Variants in DLC1 observed in about 807,000 individuals in gnomAD.
DLC1 encodes DLC1 Rho GTPase activating protein.
DLC1 carries 54 observed loss-of-function variants against 140.3 expected under a neutral mutation model. That is an observed-to-expected ratio of 0.38 (90% CI 0.31 to 0.48). The LOEUF is 0.48. Among genes scored for constraint, DLC1 ranks in the 20% least tolerant of loss-of-function variants. The probability of loss-of-function intolerance (pLI) is 0.96; values close to 1 mark genes in which losing one functional copy is unlikely to be tolerated. For missense variants in DLC1, 2,536 were observed against 1,907.0 expected, an observed-to-expected ratio of 1.33 and a Z score of -6.14; for synonymous variants, 986 against 728.1, an observed-to-expected ratio of 1.35 and a Z score of -5.70.
intron 5 of DLC1, among the ~76,000 whole-genome samples, chr8:13,271,739 C>A (rs929575032): frequency 3.3e-5 from 5 of 152,296 alleles, no homozygotes; most frequent in African/African-American, 1.2e-4. Context: ...AGCTGGAGTG[C>A]AGTGGCATGA....
intron 5 of DLC1, among the ~76,000 whole-genome samples, chr8:13,187,189 GAATCTATACAGAAT>G (rs1305342551): frequency 1.3e-5 from 2 of 152,014 alleles, no homozygotes; most frequent in East Asian, 3.9e-4. Context: ...TCCAATGTAA[GAATCTATACAGAAT>G]GTATAATTTA....
chr8:13,102,853 C>T lies in DLC1; in HGVS notation c.1503G>A (p.Arg501=), dbSNP rs941409636. The T allele has an allele frequency of 6.2e-7, 1 of 1,613,274 alleles. No individual in the cohort carries two copies. The highest frequency in any genetic ancestry group is 8.5e-7 in the Non-Finnish European group (1 of 1,179,816). The change falls in exon 8 of 18, where the codon AGG becomes AGA. Residue 501 remains arginine (R), a splice_region_variant and synonymous_variant. Coordinates refer to ENST00000276297, the MANE Select transcript of DLC1 (RefSeq NM_182643.3). ...CACATTTGTTTAAAGTATTTAGACGCCTATAGAGCAAAGAAATAACGTTAG... is the reference window on the plus strand; with the variant it reads ...CACATTTGTTTAAAGTATTTAGACGTCTATAGAGCAAAGAAATAACGTTAG... ...LDRDAIEALC[R]RLNTLNKCAV...
chr8:13,099,579 C>G lies in DLC1; in HGVS notation c.2758G>C (p.Val920Leu). ...LYHVKGMQRI[V>L]NQWSEKFSDE... ...GAAAACTTCTCCGACCACTGATTGA[C>G]TATCCGCTGCATCCCCTTCACGTGG... is the stretch of plus-strand genomic sequence containing the variant. Residue 920 changes from valine to leucine, a missense_variant, in exon 9 of 18, where the codon GTC becomes CTC. Physicochemically the swap from Val to Leu is conservative, Grantham distance 32 (BLOSUM62 1). Transcript: ENST00000276297. 1 of 1,614,234 alleles carries G rather than the reference C, an allele frequency of 6.2e-7. No individual in the cohort carries two copies. Among genetic ancestry groups the G allele is most frequent in the Non-Finnish European group, 8.5e-7 (1 of 1,180,046 alleles).
chr8:13,298,830 C>A (rs571108892), intron 5 of DLC1, among the ~76,000 whole-genome samples: 2 of 152,108 alleles, frequency 1.3e-5, no homozygotes, highest in African/African-American at 4.8e-5. Context: ...TATACCCATG[C>A]AACAAATCTG....
At chr8:13,427,177 C>A (rs1360166710) in intron 2 of DLC1, among the ~76,000 whole-genome samples, 1 of 152,184 alleles carries the variant, frequency 6.6e-6, no homozygotes, top group Admixed American at 6.6e-5. Context: ...CCATGCCCCA[C>A]TGTACGGTTA....
chr8:13,099,874 A>C lies in DLC1; in HGVS notation c.2463T>G (p.Ala821=). 1 of 1,614,126 alleles carries C rather than the reference A, an allele frequency of 6.2e-7. No individual in the cohort carries two copies. The highest frequency in any genetic ancestry group is 8.5e-7 in the Non-Finnish European group (1 of 1,180,026). Residue 821 remains alanine (A), a synonymous_variant, in exon 9 of 18, where the codon GCT becomes GCG. Coordinates refer to ENST00000276297, the MANE Select transcript of DLC1 (RefSeq NM_182643.3). The part of the protein sequence containing the change: ...EDHKPGTFPK[A]LTNGSFSPSG... ...AGGGGGAGAAACTGCCATTGGTGAG[A>C]GCTTTGGGGAAAGTGCCAGGCTTGT...
At chr8:13,374,319 T>C (rs1198944606) in intron 4 of DLC1, among the ~76,000 whole-genome samples, 1 of 152,180 alleles carries the variant, frequency 6.6e-6, no homozygotes, top group African/African-American at 2.4e-5. Context: ...TTTTAATGTA[T>C]TGATAAACAA....
intron 5 of DLC1, among the ~76,000 whole-genome samples, chr8:13,259,333 AC>A (rs1453329353): frequency 6.6e-6 from 1 of 152,078 alleles, no homozygotes; most frequent in Non-Finnish European, 1.5e-5. Context: ...ATCATAATGA[AC>A]CACAGTGATT....
intron 5 of DLC1, among the ~76,000 whole-genome samples, chr8:13,198,931 G>C (rs1228925139): frequency 1.3e-5 from 2 of 151,930 alleles, no homozygotes; most frequent in African/African-American, 2.4e-5. Flanking sequence ...TGGCCAGACT[G>C]GTCCCAAACT....
At chr8:13,179,418 A>T (rs1184475422) in intron 5 of DLC1, among the ~76,000 whole-genome samples, 4 of 152,114 alleles carry the variant, frequency 2.6e-5, no homozygotes, top group African/African-American at 7.2e-5. Context: ...CTGTATATAT[A>T]TTTTTTAATA....
intron 2 of DLC1, among the ~76,000 whole-genome samples, chr8:13,496,747 T>TACAATAG (rs1476461153): frequency 6.7e-6 from 1 of 148,828 alleles, no homozygotes; most frequent in Non-Finnish European, 1.5e-5. Context: ...CAGCATTCCA[T>TACAATAG]ACAATAGATA....
chr8:13,384,909 G>C (rs970625780), intron 4 of DLC1, among the ~76,000 whole-genome samples: 3 of 147,942 alleles, frequency 2.0e-5, no homozygotes, highest in Non-Finnish European at 3.0e-5. Flanking sequence ...GCTTATCCTA[G>C]AGGCTGGACA....
intron 5 of DLC1, among the ~76,000 whole-genome samples, chr8:13,221,720 G>A (rs1203135321): frequency 7.5e-5 from 8 of 106,590 alleles, no homozygotes; most frequent in African/African-American, 3.2e-4. Context: ...ATATGTGTGT[G>A]TGTGTGTATA....
intron 2 of DLC1, among the ~76,000 whole-genome samples, chr8:13,403,082 T>C (rs1224481149): frequency 1.3e-5 from 2 of 152,238 alleles, no homozygotes; most frequent in African/African-American, 4.8e-5. Context: ...AGCCCTGTTT[T>C]CACAAAGACA....
At chr8:13,204,984 C>T (rs1827581645) in intron 5 of DLC1, among the ~76,000 whole-genome samples, 1 of 152,088 alleles carries the variant, frequency 6.6e-6, no homozygotes, top group Non-Finnish European at 1.5e-5. Flanking sequence ...TTCTTAACAC[C>T]TTCTTGATCA....
intron 5 of DLC1, among the ~76,000 whole-genome samples, chr8:13,212,503 T>C (rs1827997010): frequency 6.6e-6 from 1 of 152,180 alleles, no homozygotes. Context: ...TAAGACCATC[T>C]TTTTCTGCTT....
In DLC1 at chr8:13,270,987, A is replaced by G. The variant is rs552528788; in HGVS notation, c.1348+34282T>C. Among the ~76,000 whole-genome samples, 3 of 152,256 alleles carry G rather than the reference A, an allele frequency of 2.0e-5. No homozygotes were observed. In the East Asian group the frequency reaches 5.8e-4, roughly 29 times the overall value. On this transcript the variant is annotated intron_variant, in intron 5 of 17. Coordinates refer to ENST00000276297, the MANE Select transcript of DLC1 (RefSeq NM_182643.3). ...AAGGAATGCTGACTTGCCTAATATT[A>G]CCCAGTGCAAGAACCAGGACTCAGC... is the stretch of plus-strand genomic sequence containing the variant.
chr8:13,107,989 G>A (rs1390277645), intron 7 of DLC1, among the ~76,000 whole-genome samples: 1 of 152,064 alleles, frequency 6.6e-6, no homozygotes, highest in Non-Finnish European at 1.5e-5. Flanking sequence ...AGGTTGCAGT[G>A]AGCCGAGATC....
intron 4 of DLC1, among the ~76,000 whole-genome samples, chr8:13,369,506 T>G (rs181897122): frequency 4.5e-4 from 68 of 152,322 alleles, no homozygotes; most frequent in African/African-American, 1.6e-3. Flanking sequence ...CCTAATTTTT[T>G]GGGCACTCCA....
Sources: gnomAD v4.1 joint callset for allele counts (sites outside exome capture counted in the v4.1 genomes callset) on GRCh38, gnomAD v4.1.1 for gene constraint, MANE v1.5 for transcripts, NCBI Gene and HGNC (gene_info 2026-07-23, HGNC 2026-07-21) for gene names.